The following SYT1 variants were observed in gnomAD, a reference collection of about 807,000 sequenced individuals.
SYT1 encodes the protein synaptotagmin-1.
Under a neutral mutation model 44.8 loss-of-function variants are expected in SYT1, and 8 were observed. That is an observed-to-expected ratio of 0.18 (90% CI 0.10 to 0.32). SYT1 has a LOEUF of 0.32. Among genes scored for constraint, SYT1 ranks in the 10% least tolerant of loss-of-function variants. The pLI is 1.00. For missense variants in SYT1, 286 were observed against 509.3 expected (o/e 0.56, Z 4.22); for synonymous variants, 154 against 188.8 (o/e 0.82, Z 1.51).
At chr12:79,289,164 C>A (rs1879453264) in intron 5 of SYT1, among the ~76,000 whole-genome samples, 1 of 152,136 alleles carries the variant, frequency 6.6e-6, no homozygotes, top group Admixed American at 6.6e-5. Context: ...TGGTTGCAAA[C>A]AAAGCACCTG....
chr12:79,439,757 A>G (rs1870296341), intron 9 of SYT1, among the ~76,000 whole-genome samples: 1 of 152,186 alleles, frequency 6.6e-6, no homozygotes, highest in African/African-American at 2.4e-5. Context: ...CAAAGAGGTG[A>G]AATAACTTCT....
chr12:79,167,033 G>T (rs1017186683), intron 3 of SYT1, among the ~76,000 whole-genome samples: 1 of 151,980 alleles, frequency 6.6e-6, no homozygotes, highest in African/African-American at 2.4e-5. Context: ...GTAACAGATT[G>T]TTAATAGAGT....
At chr12:79,065,259 C>T (rs1479775998) in intron 3 of SYT1, among the ~76,000 whole-genome samples, 2 of 152,082 alleles carry the variant, frequency 1.3e-5, no homozygotes, top group Non-Finnish European at 2.9e-5. Context: ...TAGCACACAC[C>T]TGTAGTCCCA....
At position 79,217,633 on chromosome 12, in the gene SYT1, T is replaced by C. The variant is rs766316391; in HGVS notation, c.114T>C (p.Asp38=). The C allele has an allele frequency of 6.2e-7, 1 of 1,613,286 alleles. No homozygotes were observed. Among genetic ancestry groups the C allele is most frequent in the Non-Finnish European group, 8.5e-7 (1 of 1,179,610 alleles). ...CCAGTCCTGGAGAAGGAAAGGAAGA[T>C]GCATTTTCTAAGCTGAAGGAGAAGT... ...EPASPGEGKE[D]AFSKLKEKFM... Residue 38 remains aspartate (D), a synonymous_variant, in exon 4 of 11, where the codon GAT becomes GAC. Coordinates refer to ENST00000261205, the MANE Select transcript of SYT1 (RefSeq NM_005639.3).
chr12:78,892,106 T>C (rs999748504), intron 1 of SYT1, among the ~76,000 whole-genome samples: 1 of 151,806 alleles, frequency 6.6e-6, no homozygotes, highest in Non-Finnish European at 1.5e-5. Context: ...TCATGTATGG[T>C]CTGCCTGAAC....
At chr12:79,141,258 T>C (rs1399380278) in intron 3 of SYT1, among the ~76,000 whole-genome samples, 3 of 152,156 alleles carry the variant, frequency 2.0e-5, no homozygotes, top group Admixed American at 6.5e-5. Context: ...TATTGTCTGT[T>C]AATTTTTTTC....
intron 2 of SYT1, among the ~76,000 whole-genome samples, chr12:79,014,954 C>T (rs1246208433): frequency 3.3e-5 from 5 of 151,728 alleles, no homozygotes; most frequent in African/African-American, 4.8e-5. Context: ...AGTAAACTAT[C>T]GCAAGGATAA....
intron 8 of SYT1, among the ~76,000 whole-genome samples, chr12:79,314,548 G>C (rs1880987754): frequency 6.6e-6 from 1 of 152,152 alleles, no homozygotes; most frequent in Non-Finnish European, 1.5e-5. Flanking sequence ...TTCAGGCTCT[G>C]CTAAAATAAG....
intron 8 of SYT1, among the ~76,000 whole-genome samples, chr12:79,307,030 G>A (rs913287537): frequency 1.3e-5 from 2 of 152,130 alleles, no homozygotes; most frequent in African/African-American, 2.4e-5. Flanking sequence ...TCATATGCTT[G>A]GGAGCAATAT....
At chr12:79,352,323 A>T (rs1311794502) in intron 8 of SYT1, among the ~76,000 whole-genome samples, 3 of 152,122 alleles carry the variant, frequency 2.0e-5, no homozygotes, top group Non-Finnish European at 4.4e-5. Flanking sequence ...ACATATAGTC[A>T]TAATAAGGGT....
At chr12:79,209,802 G>C (rs892798770) in intron 3 of SYT1, among the ~76,000 whole-genome samples, 2 of 152,102 alleles carry the variant, frequency 1.3e-5, no homozygotes, top group Non-Finnish European at 2.9e-5. Flanking sequence ...GGAAAACTTG[G>C]ATGGAATAAA....
chr12:79,446,155 G>A (rs1870726451), intron 10 of SYT1, among the ~76,000 whole-genome samples: 1 of 150,634 alleles, frequency 6.6e-6, no homozygotes, highest in Admixed American at 6.7e-5. Context: ...CTGAGGCTTA[G>A]AATTTCTTTA....
intron 9 of SYT1, among the ~76,000 whole-genome samples, chr12:79,431,513 A>ATTTTATTAT (rs1555225314): frequency 6.0e-4 from 86 of 142,714 alleles, no homozygotes; most frequent in African/African-American, 2.2e-3. Context: ...ATTTTATTTT[A>ATTTTATTAT]TTATTTATTT....
At chr12:79,267,854 A>G (rs551390895) in intron 4 of SYT1, among the ~76,000 whole-genome samples, 22 of 152,348 alleles carry the variant, frequency 1.4e-4, no homozygotes, top group Admixed American at 4.6e-4. Flanking sequence ...CTGAAGACCC[A>G]TCATTTTGCA....
chr12:79,257,479 T>A (rs1877584997), intron 4 of SYT1, among the ~76,000 whole-genome samples: 2 of 152,172 alleles, frequency 1.3e-5, no homozygotes, highest in African/African-American at 4.8e-5. Flanking sequence ...TTTGTTTTGT[T>A]TTGTTTTGTT....
chr12:79,169,892 TATGTGTCC>T (rs1871412364), intron 3 of SYT1, among the ~76,000 whole-genome samples: 1 of 152,028 alleles, frequency 6.6e-6, no homozygotes, highest in Admixed American at 6.6e-5. Context: ...TGTTCCCCTC[TATGTGTCC>T]ATGTGTCCTC....
At chr12:79,145,737 GTT>G (rs200045050) in intron 3 of SYT1, among the ~76,000 whole-genome samples, 5 of 129,302 alleles carry the variant, frequency 3.9e-5, no homozygotes, top group Admixed American at 1.4e-4. Context: ...AAACATAGTG[GTT>G]TTTTTTTTTT....
intron 1 of SYT1, among the ~76,000 whole-genome samples, chr12:78,925,911 C>T (rs959341049): frequency 2.0e-5 from 3 of 151,964 alleles, no homozygotes; most frequent in Non-Finnish European, 2.9e-5. Flanking sequence ...CAATTAATCA[C>T]GAAACAAACT....
intron 2 of SYT1, among the ~76,000 whole-genome samples, chr12:78,981,733 G>T (rs999913859): frequency 6.6e-6 from 1 of 152,088 alleles, no homozygotes; most frequent in African/African-American, 2.4e-5. Context: ...GTGCACAGTT[G>T]TTCATTTAAT....
Sources: gnomAD v4.1 joint callset for allele counts (sites outside exome capture counted in the v4.1 genomes callset) on GRCh38, gnomAD v4.1.1 for gene constraint, MANE v1.5 for transcripts, NCBI Gene and HGNC (gene_info 2026-07-23, HGNC 2026-07-21) for gene names.